NOS1AP: variants seen among roughly 807,000 people sequenced by gnomAD.
The protein encoded by NOS1AP is carboxyl-terminal PDZ ligand of neuronal nitric oxide synthase protein.
In NOS1AP, 21 loss-of-function variants were observed where a neutral mutation model predicts 56.2. The observed-to-expected ratio is 0.37, with a 90% CI of 0.26 to 0.54. NOS1AP has a LOEUF of 0.54. NOS1AP is among the 20% of genes least tolerant of loss of function. The probability of loss-of-function intolerance (pLI) is 0.84; values close to 1 mark genes in which losing one functional copy is unlikely to be tolerated. For synonymous variants in NOS1AP, 270 were observed against 274.6 expected (o/e 0.98, Z 0.17); for missense variants, 522 against 657.8 (o/e 0.79, Z 2.26).
chr1:162,357,202 C>T (rs551305609), intron 8 of NOS1AP, 66 bp downstream of exon 8: 43 of 1,570,110 alleles, frequency 2.7e-5, no homozygotes, highest in South Asian at 5.7e-5. Context: ...CCTTCCCTAG[C>T]GAGGGGCTCA....
intron 2 of NOS1AP, among the ~76,000 whole-genome samples, chr1:162,190,384 T>C (rs12568242): frequency 0.22 from 33,355 of 151,894 alleles, 4,082 homozygotes; most frequent in East Asian, 0.38. Context: ...ATTATTATTA[T>C]ACTCTAAGTT....
chr1:162,083,645 T>C (rs1460012775), intron 1 of NOS1AP, among the ~76,000 whole-genome samples: 2 of 152,206 alleles, frequency 1.3e-5, no homozygotes, highest in African/African-American at 4.8e-5. Flanking sequence ...AAATTTTACC[T>C]TTCCTCAAAG....
intron 4 of NOS1AP, among the ~76,000 whole-genome samples, chr1:162,321,719 TAAAAA>T (rs201941230): frequency 1.5e-5 from 2 of 137,876 alleles, no homozygotes; most frequent in African/African-American, 2.7e-5. Context: ...AAAGTATAAT[TAAAAA>T]AAAAAAAATA....
chr1:162,208,284 C>CT (rs1344651565), intron 2 of NOS1AP, among the ~76,000 whole-genome samples: 46 of 152,330 alleles, frequency 3.0e-4, no homozygotes, highest in African/African-American at 1.1e-3. Context: ...TCTTGAAGCA[C>CT]TTACACACCC....
chr1:162,301,314 G>T (rs1420818469), intron 4 of NOS1AP, among the ~76,000 whole-genome samples: 1 of 152,102 alleles, frequency 6.6e-6, no homozygotes, highest in Non-Finnish European at 1.5e-5. Flanking sequence ...TTTATAAAAA[G>T]AGGCCCCAGA....
At chr1:162,246,229 A>C (rs1653658012) in intron 2 of NOS1AP, among the ~76,000 whole-genome samples, 1 of 152,180 alleles carries the variant, frequency 6.6e-6, no homozygotes, top group South Asian at 2.1e-4. Flanking sequence ...ATCTCCTAGT[A>C]TGTGTTGAAT....
intron 4 of NOS1AP, among the ~76,000 whole-genome samples, chr1:162,328,334 C>T (rs540755166): frequency 2.6e-5 from 4 of 152,170 alleles, no homozygotes; most frequent in Admixed American, 6.6e-5. Flanking sequence ...GTAACAAACC[C>T]GTCCATCCTG....
At position 162,090,752 on chromosome 1, in the gene NOS1AP, T is replaced by G. The variant is rs562272660; in HGVS notation, c.105+20470T>G. On this transcript the variant is annotated intron_variant, in intron 1 of 9. Coordinates refer to ENST00000361897, the MANE Select transcript of NOS1AP (RefSeq NM_014697.3). ...AGTTTTCTTTTTTTACTTTGCTTTCTTGAGTTTTGTCACTTTATTTCTGAA... is the reference window on the plus strand; with the variant it reads ...AGTTTTCTTTTTTTACTTTGCTTTCGTGAGTTTTGTCACTTTATTTCTGAA... Among the ~76,000 whole-genome samples the G allele has an allele frequency of 2.6e-5, 4 of 152,230 alleles. No homozygotes were observed. In the East Asian group the frequency reaches 7.7e-4, roughly 29 times the overall value.
Position 162,356,967 on chromosome 1 carries a change from A to AC in NOS1AP, c.775dup (p.Gln259ProfsTer66). ...CTTCTCCTTCTCCTCCAGGTTTCGC[A>AC]CCCCCAGGAGCCCATGCTGACAGCC... On this transcript the variant is annotated frameshift_variant, in exon 8 of 10. Coordinates refer to ENST00000361897, the MANE Select transcript of NOS1AP (RefSeq NM_014697.3). LOFTEE classifies it high-confidence loss of function. 1 of 1,613,822 alleles carries AC rather than the reference A, an allele frequency of 6.2e-7. No homozygotes were observed. Among genetic ancestry groups the AC allele is most frequent in the Non-Finnish European group, 8.5e-7 (1 of 1,179,986 alleles).
At chr1:162,133,907 T>C (rs1385387122) in intron 1 of NOS1AP, among the ~76,000 whole-genome samples, 1 of 152,216 alleles carries the variant, frequency 6.6e-6, no homozygotes, top group Non-Finnish European at 1.5e-5. Context: ...GCCAAGAACA[T>C]GCTTGGCATG....
At chr1:162,295,121 T>C (rs1655413944) in intron 3 of NOS1AP, among the ~76,000 whole-genome samples, 1 of 152,182 alleles carries the variant, frequency 6.6e-6, no homozygotes, top group South Asian at 2.1e-4. Context: ...AGGGCCCCCT[T>C]ACCCCAGAAG....
intron 1 of NOS1AP, among the ~76,000 whole-genome samples, chr1:162,142,592 T>C (rs1459662593): frequency 6.6e-6 from 1 of 152,216 alleles, no homozygotes; most frequent in African/African-American, 2.4e-5. Context: ...TTGCCGAATT[T>C]GTCTTGCTAG....
intron 7 of NOS1AP, among the ~76,000 whole-genome samples, chr1:162,356,670 A>AGTG (rs1657714711): frequency 6.6e-6 from 1 of 152,192 alleles, no homozygotes; most frequent in African/African-American, 2.4e-5. Context: ...TATCATTGGA[A>AGTG]GTGGTGGGCA....
At chr1:162,180,255 TA>T (rs1651206563) in intron 2 of NOS1AP, among the ~76,000 whole-genome samples, 1 of 152,104 alleles carries the variant, frequency 6.6e-6, no homozygotes, top group Admixed American at 6.5e-5. Flanking sequence ...TTTATTTATT[TA>T]TTTTTTGAGA....
At chr1:162,275,550 T>C (rs1465631071) in intron 2 of NOS1AP, among the ~76,000 whole-genome samples, 2 of 152,200 alleles carry the variant, frequency 1.3e-5, no homozygotes, top group Non-Finnish European at 2.9e-5. Flanking sequence ...TCTGGTCACA[T>C]CTCACTCTCA....
At chr1:162,077,960 T>C (rs1205576231) in intron 1 of NOS1AP, among the ~76,000 whole-genome samples, 1 of 152,156 alleles carries the variant, frequency 6.6e-6, no homozygotes, top group African/African-American at 2.4e-5. Context: ...TGCCCCCTTC[T>C]CTATCCTCAT....
chr1:162,167,025 C>G (rs992310257), intron 2 of NOS1AP, among the ~76,000 whole-genome samples: 4 of 152,196 alleles, frequency 2.6e-5, no homozygotes, highest in African/African-American at 9.6e-5. Context: ...ATTCTGTTCA[C>G]CACCCAGCCC....
intron 8 of NOS1AP, among the ~76,000 whole-genome samples, chr1:162,361,818 A>G (rs1657913786): frequency 6.6e-6 from 1 of 152,216 alleles, no homozygotes; most frequent in South Asian, 2.1e-4. Context: ...GGTACCTGCA[A>G]AAAAAGCTTT....
rs572879056 is a variant in NOS1AP at position 162,268,807 on chromosome 1, A to T, written c.178-18537A>T. ...GTAGAAGGGTTGAAAGGTTTAAAAAAAGAAGAAAACAAAAAATTAGAATAG... is the reference window on the plus strand; with the variant it reads ...GTAGAAGGGTTGAAAGGTTTAAAAATAGAAGAAAACAAAAAATTAGAATAG... On this transcript the variant is annotated intron_variant, in intron 2 of 9. Transcript: ENST00000361897. Among the ~76,000 whole-genome samples the T allele has an allele frequency of 3.3e-5, 5 of 152,256 alleles. No homozygotes were observed. In the East Asian group the frequency reaches 7.7e-4, roughly 23 times the overall value.
Sources: gnomAD v4.1 joint callset for allele counts (sites outside exome capture counted in the v4.1 genomes callset) on GRCh38, gnomAD v4.1.1 for gene constraint, MANE v1.5 for transcripts, NCBI Gene and HGNC (gene_info 2026-07-23, HGNC 2026-07-21) for gene names.